The following XKR6 variants were observed in gnomAD, a reference collection of about 807,000 sequenced individuals.
XKR6 encodes the protein XK-related protein 6.
In XKR6, 22 loss-of-function variants were observed where a neutral mutation model predicts 56.7. The observed-to-expected ratio is 0.39, with a 90% CI of 0.28 to 0.55. XKR6 has a LOEUF of 0.55. Ranked by LOEUF, XKR6 falls within the 20% of genes least tolerant of loss-of-function variation. The probability of loss-of-function intolerance (pLI) is 0.66; values close to 1 mark genes in which losing one functional copy is unlikely to be tolerated. For missense variants in XKR6, 852 were observed against 889.0 expected, an observed-to-expected ratio of 0.96 and a Z score of 0.53; for synonymous variants, 524 against 387.8, an observed-to-expected ratio of 1.35 and a Z score of -4.13.
At chr8:11,020,231 G>C (rs1218765955) in intron 1 of XKR6, among the ~76,000 whole-genome samples, 1 of 152,116 alleles carries the variant, frequency 6.6e-6, no homozygotes, top group Non-Finnish European at 1.5e-5. Context: ...GTGGAGCCAG[G>C]GCTTGGCCAG....
At chr8:10,928,203 C>T (rs1426380152) in intron 1 of XKR6, among the ~76,000 whole-genome samples, 3 of 152,298 alleles carry the variant, frequency 2.0e-5, no homozygotes, top group South Asian at 2.1e-4. Context: ...CTGTGGGGCC[C>T]GGACGGGACC....
At chr8:11,032,233 C>A (rs1799009890) in intron 1 of XKR6, among the ~76,000 whole-genome samples, 1 of 152,206 alleles carries the variant, frequency 6.6e-6, no homozygotes, top group African/African-American at 2.4e-5. Flanking sequence ...TCAAAAATAT[C>A]TCCCCTCCAG....
intron 1 of XKR6, among the ~76,000 whole-genome samples, chr8:11,143,439 T>C (rs1355268141): frequency 2.6e-5 from 4 of 152,236 alleles, no homozygotes; most frequent in Non-Finnish European, 5.9e-5. Context: ...GCTGCCAATC[T>C]GCAGAAAACA....
intron 2 of XKR6, among the ~76,000 whole-genome samples, chr8:10,911,562 C>CTA (rs200353525): frequency 2.3e-5 from 3 of 130,298 alleles, no homozygotes; most frequent in Non-Finnish European, 3.2e-5. Flanking sequence ...GAGAGAATAT[C>CTA]TATATATATA....
chr8:11,051,714 A>G (rs1310632142), intron 1 of XKR6, among the ~76,000 whole-genome samples: 1 of 152,066 alleles, frequency 6.6e-6, no homozygotes, highest in Non-Finnish European at 1.5e-5. Flanking sequence ...CACTGCCTCC[A>G]CCCTACACAG....
At chr8:10,994,885 C>G (rs1416229983) in intron 1 of XKR6, among the ~76,000 whole-genome samples, 3 of 152,138 alleles carry the variant, frequency 2.0e-5, no homozygotes, top group African/African-American at 7.2e-5. Flanking sequence ...GTGGGTGGGA[C>G]AGCAAAAACA....
chr8:11,073,994 G>A (rs1446807041), intron 1 of XKR6, among the ~76,000 whole-genome samples: 1 of 152,124 alleles, frequency 6.6e-6, no homozygotes, highest in African/African-American at 2.4e-5. Flanking sequence ...CTGGTTTGAA[G>A]AAGAGAATTG....
intron 1 of XKR6, among the ~76,000 whole-genome samples, chr8:10,937,968 G>C (rs908533004): frequency 1.3e-5 from 2 of 151,260 alleles, no homozygotes; most frequent in Non-Finnish European, 1.5e-5. Context: ...ACCTAAGCAA[G>C]CCTGAGCAAT....
intron 1 of XKR6, among the ~76,000 whole-genome samples, chr8:11,067,436 G>T (rs1343912958): frequency 1.3e-5 from 2 of 152,234 alleles, no homozygotes; most frequent in Admixed American, 6.5e-5. Context: ...CAAAAGGGTT[G>T]AACTGGACCA....
chr8:10,986,417 T>C (rs1469705663), intron 1 of XKR6, among the ~76,000 whole-genome samples: 1 of 152,206 alleles, frequency 6.6e-6, no homozygotes, highest in Non-Finnish European at 1.5e-5. Flanking sequence ...TCTACAAATA[T>C]GGTTTTTAAA....
chr8:11,183,049 C>CT (rs937516925), intron 1 of XKR6, among the ~76,000 whole-genome samples: 9 of 152,010 alleles, frequency 5.9e-5, no homozygotes, highest in Admixed American at 1.3e-4. Context: ...TTAGAATTGC[C>CT]TTTTTTTTGA....
rs1802405129 is a variant in XKR6, at chr8:10,971,372, G to A, written c.765-46542C>T. On this transcript the variant is annotated intron_variant, in intron 1 of 2. Coordinates refer to ENST00000416569, the MANE Select transcript of XKR6 (RefSeq NM_173683.4). Reference sequence around the variant, plus strand: ...GGAGGCGGAGCTTGCAGTGAGCCAAGATCGCACCACTGCACTCCAGCCTGG... The same window carrying A: ...GGAGGCGGAGCTTGCAGTGAGCCAAAATCGCACCACTGCACTCCAGCCTGG... Among the ~76,000 whole-genome samples, 3 of 152,042 alleles carry A rather than the reference G, an allele frequency of 2.0e-5. No individual in the cohort carries two copies. The South Asian group carries it at 6.2e-4, about 32-fold the overall frequency.
At chr8:10,998,870 A>G (rs554489967) in intron 1 of XKR6, among the ~76,000 whole-genome samples, 2 of 152,350 alleles carry the variant, frequency 1.3e-5, no homozygotes, top group East Asian at 3.9e-4. Flanking sequence ...AAGGGAGAAG[A>G]AAATTATGCA....
chr8:10,968,081 G>A (rs1195771000), intron 1 of XKR6, among the ~76,000 whole-genome samples: 1 of 152,200 alleles, frequency 6.6e-6, no homozygotes, highest in Non-Finnish European at 1.5e-5. Context: ...CGAGGGGCCT[G>A]TTGCTGCTCC....
At chr8:11,193,303 T>A (rs1227853188) in intron 1 of XKR6, among the ~76,000 whole-genome samples, 1 of 152,234 alleles carries the variant, frequency 6.6e-6, no homozygotes, top group East Asian at 1.9e-4. Context: ...ACCACTTGTT[T>A]AATATTTCAA....
chr8:10,961,114 G>GA (rs1704796087), intron 1 of XKR6, among the ~76,000 whole-genome samples: 1 of 152,204 alleles, frequency 6.6e-6, no homozygotes, highest in Non-Finnish European at 1.5e-5. Context: ...ATGAGGCAGA[G>GA]AGAGGGTGGA....
intron 1 of XKR6, among the ~76,000 whole-genome samples, chr8:11,094,663 G>C (rs1273079778): frequency 1.3e-5 from 2 of 152,110 alleles, no homozygotes; most frequent in Non-Finnish European, 1.5e-5. Flanking sequence ...CGATGGAGTG[G>C]TTACTAGCAG....
intron 1 of XKR6, among the ~76,000 whole-genome samples, chr8:11,076,536 A>T (rs766680655): frequency 6.6e-6 from 1 of 152,192 alleles, no homozygotes; most frequent in African/African-American, 2.4e-5. Context: ...ACTAGGTGAG[A>T]GTCTCGTGAG....
chr8:11,006,543 G>A (rs927264311), intron 1 of XKR6, among the ~76,000 whole-genome samples: 18 of 152,182 alleles, frequency 1.2e-4, no homozygotes, highest in African/African-American at 4.3e-4. Context: ...ATAGAGTAAG[G>A]CATCTGTAGA....
Sources: gnomAD v4.1 joint callset for allele counts (sites outside exome capture counted in the v4.1 genomes callset) on GRCh38, gnomAD v4.1.1 for gene constraint, MANE v1.5 for transcripts, NCBI Gene and HGNC (gene_info 2026-07-23, HGNC 2026-07-21) for gene names.